AOPEP: variants seen among roughly 807,000 people sequenced by gnomAD.
AOPEP encodes aminopeptidase O.
AOPEP carries 77 observed loss-of-function variants against 98.1 expected under a neutral mutation model. The observed-to-expected ratio is 0.78, with a 90% confidence interval of 0.65 to 0.95. The LOEUF (loss-of-function observed/expected upper bound fraction) is 0.95. AOPEP is among the 40% of genes least tolerant of loss of function. AOPEP has a pLI of 0.00. For synonymous variants in AOPEP, 346 were observed against 365.3 expected (o/e 0.95, Z 0.60); for missense variants, 1,024 against 1,024.7 (o/e 1.00, Z 0.01).
intron 5 of AOPEP, among the ~76,000 whole-genome samples, chr9:94,916,801 A>G (rs2052897398): frequency 6.6e-6 from 1 of 152,146 alleles, no homozygotes; most frequent in Non-Finnish European, 1.5e-5. Context: ...TCCCCTGACA[A>G]CCAAAATCTA....
chr9:94,792,661 C>T (rs1429517036), intron 3 of AOPEP, 104 bp from the exon 4 acceptor site: 1 of 1,144,666 alleles, frequency 8.7e-7, no homozygotes, highest in Non-Finnish European at 1.2e-6. Context: ...TTGGCTCTTA[C>T]CAGCTTATCA....
intron 5 of AOPEP, among the ~76,000 whole-genome samples, chr9:94,848,129 C>T (rs189183257): frequency 8.5e-5 from 13 of 152,216 alleles, no homozygotes; most frequent in Middle Eastern, 3.4e-3. Context: ...GAGGATCTCA[C>T]CAGCATATAC....
chr9:94,756,643 T>G (rs1043371680), intron 1 of AOPEP, among the ~76,000 whole-genome samples: 3 of 152,172 alleles, frequency 2.0e-5, no homozygotes, highest in African/African-American at 7.2e-5. Context: ...CATGTTTCCT[T>G]CCTTGTTGGA....
At chr9:94,745,223 A>G (rs1449718245) in intron 1 of AOPEP, among the ~76,000 whole-genome samples, 1 of 151,086 alleles carries the variant, frequency 6.6e-6, no homozygotes, top group Non-Finnish European at 1.5e-5. Flanking sequence ...TCTCCCTCCT[A>G]CCTAGCCTCT....
At chr9:95,134,717 G>A in the AOPEP span, among the ~76,000 whole-genome samples, 2 of 152,208 alleles carry the variant, frequency 1.3e-5, no homozygotes, top group Non-Finnish European at 2.9e-5. Context: ...TATGACTGGC[G>A]AGTCAGTGGT....
chr9:95,131,162 C>T, the AOPEP span, among the ~76,000 whole-genome samples: 5 of 152,202 alleles, frequency 3.3e-5, no homozygotes. Context: ...CATTCCTGGG[C>T]TTAAGAACTT....
chr9:95,005,317 G>A (rs2061914903), intron 12 of AOPEP, 97 bp downstream of exon 12: 6 of 752,994 alleles, frequency 8.0e-6, no homozygotes, highest in Non-Finnish European at 1.1e-5. Context: ...GCGCGGGTGC[G>A]GGGACTACCC....
chr9:94,863,227 T>TTCCCC (rs1267724557), intron 5 of AOPEP, among the ~76,000 whole-genome samples: 7 of 151,520 alleles, frequency 4.6e-5, no homozygotes, highest in Non-Finnish European at 8.8e-5. Flanking sequence ...CTCCCCTCTC[T>TTCCCC]TCCCCTCCCC....
At chr9:94,805,424 A>G (rs1394180465) in intron 5 of AOPEP, among the ~76,000 whole-genome samples, 1 of 151,946 alleles carries the variant, frequency 6.6e-6, no homozygotes. Flanking sequence ...ACAGAGAGGG[A>G]AGCTGTGTCT....
chr9:94,805,496 T>G (rs1250141731), intron 5 of AOPEP, among the ~76,000 whole-genome samples: 2 of 151,726 alleles, frequency 1.3e-5, no homozygotes, highest in Admixed American at 1.3e-4. Context: ...TTTTTGTTTT[T>G]TTTTTTAAAA....
intron 13 of AOPEP, among the ~76,000 whole-genome samples, chr9:95,049,890 C>A (rs912440103): frequency 6.6e-6 from 1 of 152,200 alleles, no homozygotes; most frequent in African/African-American, 2.4e-5. Context: ...GATTGACTAT[C>A]AAGTACTTGA....
intron 5 of AOPEP, chr9:94,921,218 A>G (rs1472060238): frequency 6.6e-6 from 1 of 152,276 alleles, no homozygotes; most frequent in Non-Finnish European, 1.5e-5. Flanking sequence ...GGAAAAAAAG[A>G]AACAGTTTTC....
At chr9:95,150,074 G>A in the AOPEP span, 19 of 1,613,928 alleles carry the variant, frequency 1.2e-5, no homozygotes, top group Non-Finnish European at 1.6e-5. Context: ...GACGCCACTC[G>A]CTCGGGAGCC....
At chr9:94,912,212 A>G (rs1352297578) in intron 5 of AOPEP, among the ~76,000 whole-genome samples, 2 of 152,176 alleles carry the variant, frequency 1.3e-5, no homozygotes, top group African/African-American at 4.8e-5. Context: ...CTCTGTCCCC[A>G]AAGACCGAGT....
chr9:94,879,189 T>C (rs1308576463), intron 5 of AOPEP, among the ~76,000 whole-genome samples: 3 of 152,234 alleles, frequency 2.0e-5, no homozygotes, highest in Non-Finnish European at 4.4e-5. Context: ...CAATTTCTAA[T>C]CTTCAGGCTA....
chr9:95,145,580 C>T, the AOPEP span: 12 of 152,106 alleles, frequency 7.9e-5, no homozygotes, highest in African/African-American at 2.2e-4. Flanking sequence ...GCAAAACAAA[C>T]TAATAACAAC....
In AOPEP at chr9:94,768,138, A is replaced by G. The variant is rs182502532; in HGVS notation, c.798-4864A>G. Among the ~76,000 whole-genome samples the G allele has an allele frequency of 3.3e-5, 5 of 152,246 alleles. No homozygotes were observed. The East Asian group carries it at 9.7e-4, about 29-fold the overall frequency. On this transcript the variant is annotated intron_variant, in intron 2 of 16. Coordinates refer to ENST00000375315, the MANE Select transcript of AOPEP (RefSeq NM_001193329.3). ...ACCTTGTAACCCTTGGAAACTTATA[A>G]AAGATTCTGACCCCCTAAACTGTCG...
At chr9:95,003,887 TA>T (rs2061728411) in intron 11 of AOPEP, 1 of 157,744 alleles carries the variant, frequency 6.3e-6, no homozygotes, top group African/African-American at 2.4e-5. Flanking sequence ...TTGTTTGTTT[TA>T]GGAAATAGAC....
rs548787960 is a variant in AOPEP at position 94,863,308 on chromosome 9, T to C, written c.1365-60678T>C. On this transcript the variant is annotated intron_variant, in intron 5 of 16. Coordinates refer to ENST00000375315, the MANE Select transcript of AOPEP (RefSeq NM_001193329.3). ...TTTTTTTTTTTTTTTTGAGACGGAG[T>C]CTCGCTCTGTCACCCAGGCTGGAGT... is the stretch of plus-strand genomic sequence containing the variant. 4.4e-4 allele frequency among the ~76,000 whole-genome samples: 60 copies of C among 136,222 alleles called. 1 individual carries two copies. The South Asian group carries it at 0.014, about 32-fold the overall frequency. The allele number at this position is 136,222 out of a possible 152,430, so 89.4% of individuals were successfully genotyped here. A position where few individuals can be genotyped will look rare whatever the true frequency, so the allele number is the denominator to read the frequency against.
Sources: allele counts gnomAD v4.1 joint callset (sites outside exome capture counted in the v4.1 genomes callset), GRCh38; gene constraint gnomAD v4.1.1; transcripts MANE v1.5; gene names NCBI Gene and HGNC (gene_info 2026-07-23, HGNC 2026-07-21).